BRD7: variants seen among roughly 807,000 people sequenced by gnomAD.
BRD7 encodes the protein bromodomain containing 7, also known as bromodomain-containing protein 7.
Under a neutral mutation model 82.1 loss-of-function variants are expected in BRD7, and 15 were observed. That is an observed-to-expected ratio of 0.18 (90% CI 0.12 to 0.28). The LOEUF (loss-of-function observed/expected upper bound fraction) is 0.28. Among genes scored for constraint, BRD7 ranks in the 10% least tolerant of loss-of-function variants. BRD7 has a pLI of 1.00. For missense variants in BRD7, 638 were observed against 779.9 expected (o/e 0.82, Z 2.17); for synonymous variants, 232 against 266.9 (o/e 0.87, Z 1.27).
intron 5 of BRD7, among the ~76,000 whole-genome samples, chr16:50,340,635 G>A (rs2038007570): frequency 6.6e-6 from 1 of 152,134 alleles, no homozygotes; most frequent in Non-Finnish European, 1.5e-5. Context: ...ACTTTTATGT[G>A]TTTGGATACT....
In BRD7 at chr16:50,368,943, G is replaced by A. The variant is rs1251164660; in HGVS notation, c.-169C>T. ...GGCGCGATGCCCCTCTCGAGAAGAC[G>A]GCGCGCGAGACCCGGCCGGAGCCCG... On this transcript the variant is annotated 5_prime_UTR_variant, in exon 1 of 17. Coordinates refer to ENST00000394688, the MANE Select transcript of BRD7 (RefSeq NM_013263.5). 2 of 192,868 alleles carry A rather than the reference G, an allele frequency of 1.0e-5. No homozygotes were observed. Among genetic ancestry groups the A allele is most frequent in the Admixed American group, 6.8e-5 (1 of 14,756 alleles). 11.9% of individuals were successfully genotyped at this position (192,868 alleles called of 1,614,324 possible). A position where few individuals can be genotyped will look rare whatever the true frequency, so the allele number is the denominator to read the frequency against.
intron 2 of BRD7, among the ~76,000 whole-genome samples, chr16:50,366,994 TAAA>T (rs1291428876): frequency 6.6e-6 from 1 of 152,014 alleles, no homozygotes; most frequent in African/African-American, 2.4e-5. Context: ...CCAAAGGTAA[TAAA>T]AACTGGGACA....
Position 50,368,224 on chromosome 16 carries a change from A to G in BRD7, c.124T>C (p.Ser42Pro). Residue 42 changes from serine to proline, a missense_variant, in exon 2 of 17, where the codon TCG becomes CCG. Transcript: ENST00000394688. Reference protein sequence around the residue: ...NEVTELSTGSSGHDSSLFEDK... With the variant: ...NEVTELSTGSPGHDSSLFEDK... Reference sequence around the variant, plus strand: ...TCGAAGAGGCTGGAGTCGTGCCCCGAGCTGCCCGTGGAGAGTTCGGTGACT... The same window carrying G: ...TCGAAGAGGCTGGAGTCGTGCCCCGGGCTGCCCGTGGAGAGTTCGGTGACT... 6.2e-7 allele frequency: 1 copy of G among 1,614,106 alleles called. No individual in the cohort carries two copies. The highest frequency in any genetic ancestry group is 8.5e-7 in the Non-Finnish European group (1 of 1,180,026).
At chr16:50,363,660 T>TGG (rs138025982) in intron 2 of BRD7, among the ~76,000 whole-genome samples, 35 of 102,512 alleles carry the variant, frequency 3.4e-4, no homozygotes, top group African/African-American at 8.5e-4. Context: ...TGTGTGTGTG[T>TGG]GCGCGCGCGC....
intron 2 of BRD7, among the ~76,000 whole-genome samples, chr16:50,357,853 C>T (rs7203961): frequency 0.22 from 33,593 of 151,878 alleles, 4,148 homozygotes; most frequent in African/African-American, 0.31. Flanking sequence ...TGGTGGTGCA[C>T]GCCTGTAATC....
chr16:50,326,680 CA>C (rs1329239193), intron 9 of BRD7, among the ~76,000 whole-genome samples: 3 of 152,090 alleles, frequency 2.0e-5, no homozygotes, highest in Admixed American at 6.5e-5. Flanking sequence ...ACAAAAGCCA[CA>C]AAAACTTTTA....
Position 50,333,757 on chromosome 16 carries a change from T to C in BRD7, c.888-60A>G. On this transcript the variant is annotated intron_variant, in intron 7 of 16. Transcript: ENST00000394688. Reference sequence around the variant, plus strand: ...ACAAAGATAAGTAAGATGAAAACATTCAAATGAATTCTAAATATGAATACA... The same window carrying C: ...ACAAAGATAAGTAAGATGAAAACATCCAAATGAATTCTAAATATGAATACA... 4 of 1,329,372 alleles carry C rather than the reference T, an allele frequency of 3.0e-6. No individual in the cohort carries two copies. In the South Asian group the frequency reaches 3.9e-5, roughly 13 times the overall value. The allele number at this position is 1,329,372 out of a possible 1,614,324, so 82.3% of individuals were successfully genotyped here.
chr16:50,343,464 A>G (rs1449717335), intron 5 of BRD7, among the ~76,000 whole-genome samples: 1 of 152,228 alleles, frequency 6.6e-6, no homozygotes, highest in Non-Finnish European at 1.5e-5. Context: ...CTTGTCGGAC[A>G]GTGGGTGCAG....
chr16:50,335,575 C>T (rs921386204), intron 6 of BRD7, among the ~76,000 whole-genome samples: 1 of 151,934 alleles, frequency 6.6e-6, no homozygotes, highest in Non-Finnish European at 1.5e-5. Context: ...ATATTTGTTT[C>T]TACTGACTAC....
chr16:50,321,829 T>C (rs768010028), intron 13 of BRD7, among the ~76,000 whole-genome samples, 153 bp downstream of exon 13: 3 of 152,218 alleles, frequency 2.0e-5, no homozygotes, highest in African/African-American at 4.8e-5. Flanking sequence ...GGCACTGATA[T>C]GCATTTATGG....
intron 2 of BRD7, among the ~76,000 whole-genome samples, chr16:50,364,227 T>C (rs940986963): frequency 1.3e-5 from 2 of 152,196 alleles, no homozygotes; most frequent in East Asian, 1.9e-4. Flanking sequence ...TCCAGCTCCA[T>C]GGAACTGAGA....
intron 12 of BRD7, 104 bp downstream of exon 12, chr16:50,323,483 A>G: frequency 1.0e-6 from 1 of 961,792 alleles, no homozygotes; most frequent in Non-Finnish European, 1.6e-6. Flanking sequence ...AGGGCCACAG[A>G]GTTCAGCTGT....
At chr16:50,323,545 G>T in intron 12 of BRD7, 42 bp downstream of exon 12, 2 of 1,380,608 alleles carry the variant, frequency 1.4e-6, no homozygotes, top group Non-Finnish European at 2.1e-6. Context: ...ATGCTTGAGA[G>T]TCGATAATAA....
intron 2 of BRD7, among the ~76,000 whole-genome samples, chr16:50,358,529 T>C (rs1006942974): frequency 5.4e-5 from 8 of 148,330 alleles, no homozygotes; most frequent in African/African-American, 2.0e-4. Flanking sequence ...AAGAATAAAG[T>C]AAAAAACCAC....
chr16:50,339,817 T>C (rs922473372), intron 6 of BRD7, among the ~76,000 whole-genome samples, 159 bp downstream of exon 6: 13 of 152,128 alleles, frequency 8.5e-5, no homozygotes, highest in Non-Finnish European at 1.5e-5. Flanking sequence ...TTCTTCTCTT[T>C]ATTAAAATTT....
At chr16:50,323,384 C>T (rs987538381) in intron 12 of BRD7, among the ~76,000 whole-genome samples, 6 of 152,204 alleles carry the variant, frequency 3.9e-5, no homozygotes, top group Admixed American at 6.5e-5. Flanking sequence ...ATAAGGATAA[C>T]GCTCAGGCCC....
chr16:50,316,360 G>A lies in BRD7; in HGVS notation c.*2851C>T, dbSNP rs1287367831. On this transcript the variant is annotated 3_prime_UTR_variant, in exon 17 of 17. Coordinates refer to ENST00000394688, the MANE Select transcript of BRD7 (RefSeq NM_013263.5). ...TTGTGAGGCAAGCATTCTGGAGAGA[G>A]GTGCTTTGAAAGTAAGGTGCGGCCT... 1 of 152,352 alleles carries A rather than the reference G, an allele frequency of 6.6e-6. No individual in the cohort carries two copies. The highest frequency in any genetic ancestry group is 1.5e-5 in the Non-Finnish European group (1 of 68,044). The allele number at this position is 152,352 out of a possible 1,614,324, so 9.4% of individuals were successfully genotyped here.
At chr16:50,344,232 G>A (rs1392647506) in intron 5 of BRD7, among the ~76,000 whole-genome samples, 1 of 152,148 alleles carries the variant, frequency 6.6e-6, no homozygotes, top group African/African-American at 2.4e-5. Flanking sequence ...AAATAGAAAG[G>A]ACATCCGCAC....
At chr16:50,364,379 C>T (rs761693075) in intron 2 of BRD7, among the ~76,000 whole-genome samples, 8 of 152,174 alleles carry the variant, frequency 5.3e-5, no homozygotes, top group African/African-American at 1.9e-4. Context: ...TCCCTCCCTA[C>T]ATAACACTAG....
Sources: gnomAD v4.1 joint callset for allele counts (sites outside exome capture counted in the v4.1 genomes callset) on GRCh38, gnomAD v4.1.1 for gene constraint, MANE v1.5 for transcripts, NCBI Gene and HGNC (gene_info 2026-07-23, HGNC 2026-07-21) for gene names.